GABRG2: variants seen among roughly 807,000 people sequenced by gnomAD.
GABRG2 encodes the protein gamma-aminobutyric acid type A receptor subunit gamma2.
GABRG2 carries 16 observed loss-of-function variants against 56.4 expected under a neutral mutation model. That is an observed-to-expected ratio of 0.28 (90% CI 0.19 to 0.43). The LOEUF is 0.43. GABRG2 is among the 20% of genes least tolerant of loss of function. The pLI is 1.00. For synonymous variants in GABRG2, 208 were observed against 205.5 expected (o/e 1.01, Z -0.10); for missense variants, 327 against 582.7 (o/e 0.56, Z 4.52).
intron 6 of GABRG2, among the ~76,000 whole-genome samples, chr5:162,114,526 G>A (rs1298929887): frequency 6.6e-6 from 1 of 151,918 alleles, no homozygotes; most frequent in African/African-American, 2.4e-5. Flanking sequence ...CAACAAGAGC[G>A]AAATTCTGTC....
In GABRG2 at chr5:162,153,590, G is replaced by A. The variant is rs1581463881; in HGVS notation, c.*222G>A. On this transcript the variant is annotated 3_prime_UTR_variant, in exon 10 of 10. Transcript: ENST00000639213. Reference sequence around the variant, plus strand: ...GTTTGCTGTGTTTCAAACCTGCAAGGCAAAGTAAAATTAGAGCAAGAACAT... The same window carrying A: ...GTTTGCTGTGTTTCAAACCTGCAAGACAAAGTAAAATTAGAGCAAGAACAT... 55 of 608,420 alleles carry A rather than the reference G, an allele frequency of 9.0e-5. 2 individuals carry two copies. The South Asian group carries it at 1.0e-3, about 12-fold the overall frequency. 37.7% of individuals were successfully genotyped at this position (608,420 alleles called of 1,614,324 possible).
chr5:162,128,368 G>A (rs1763484691), intron 6 of GABRG2: 1 of 151,926 alleles, frequency 6.6e-6, no homozygotes, highest in African/African-American at 2.4e-5. Context: ...TCTCTCCCTG[G>A]AGGACAGTTG....
intron 6 of GABRG2, among the ~76,000 whole-genome samples, chr5:162,108,572 C>T (rs753636895): frequency 1.3e-5 from 2 of 152,098 alleles, no homozygotes; most frequent in African/African-American, 2.4e-5. Context: ...CAACTTGAAG[C>T]GATTTTTAAG....
At chr5:162,094,022 T>A in intron 2 of GABRG2, 43 bp downstream of exon 2, 1 of 1,585,318 alleles carries the variant, frequency 6.3e-7, no homozygotes, top group Non-Finnish European at 8.7e-7. Flanking sequence ...TAGGAGCACA[T>A]AAACATGTCT....
intron 6 of GABRG2, among the ~76,000 whole-genome samples, chr5:162,127,092 A>G (rs556479251): frequency 2.2e-4 from 33 of 152,090 alleles, no homozygotes; most frequent in African/African-American, 7.9e-4. Flanking sequence ...GAAAAGAAAG[A>G]TAATAAAAGT....
At chr5:162,130,129 T>C (rs1208532191) in intron 6 of GABRG2, among the ~76,000 whole-genome samples, 1 of 151,982 alleles carries the variant, frequency 6.6e-6, no homozygotes, top group Non-Finnish European at 1.5e-5. Context: ...ATATTGGCAA[T>C]GATTTTTAAC....
intron 1 of GABRG2, among the ~76,000 whole-genome samples, chr5:162,084,537 C>T (rs1306887691): frequency 6.6e-6 from 1 of 151,764 alleles, no homozygotes; most frequent in Non-Finnish European, 1.5e-5. Flanking sequence ...GTCTTGGTCT[C>T]ATAGAGACCA....
intron 6 of GABRG2, among the ~76,000 whole-genome samples, chr5:162,128,567 A>G (rs553605256): frequency 6.6e-5 from 10 of 152,090 alleles, no homozygotes; most frequent in African/African-American, 2.2e-4. Flanking sequence ...CAGCAGGCAG[A>G]TAATAAATAT....
At chr5:162,075,408 C>A (rs1305942476) in intron 1 of GABRG2, among the ~76,000 whole-genome samples, 1 of 152,094 alleles carries the variant, frequency 6.6e-6, no homozygotes, top group East Asian at 1.9e-4. Context: ...ACCTTGTACT[C>A]CTAAGTCCTC....
At chr5:162,076,577 T>C (rs2113153335) in intron 1 of GABRG2, among the ~76,000 whole-genome samples, 1 of 152,278 alleles carries the variant, frequency 6.6e-6, no homozygotes, top group Middle Eastern at 3.4e-3. Flanking sequence ...CTGAAGATAA[T>C]TTTGTCACTG....
At chr5:162,079,909 A>G (rs549336844) in intron 1 of GABRG2, among the ~76,000 whole-genome samples, 1 of 152,236 alleles carries the variant, frequency 6.6e-6, no homozygotes, top group Admixed American at 6.5e-5. Context: ...CCTCCTGAGT[A>G]GCTGAGATTA....
At chr5:162,138,573 A>G (rs1486217824) in intron 6 of GABRG2, among the ~76,000 whole-genome samples, 2 of 152,198 alleles carry the variant, frequency 1.3e-5, no homozygotes, top group Non-Finnish European at 2.9e-5. Flanking sequence ...GATTCAAAAT[A>G]TCTGTGGACT....
intron 9 of GABRG2, 48 bp downstream of exon 9, chr5:162,151,801 T>G: frequency 6.8e-7 from 1 of 1,477,650 alleles, no homozygotes; most frequent in Non-Finnish European, 9.5e-7. Context: ...CTGCTAAATT[T>G]AACTATTAAT....
chr5:162,073,671 A>G (rs1436097199), intron 1 of GABRG2, among the ~76,000 whole-genome samples: 1 of 152,012 alleles, frequency 6.6e-6, no homozygotes, highest in Non-Finnish European at 1.5e-5. Flanking sequence ...CAACTGGTTA[A>G]TTAATGTTAC....
At chr5:162,076,526 A>G (rs1286174069) in intron 1 of GABRG2, among the ~76,000 whole-genome samples, 2 of 152,216 alleles carry the variant, frequency 1.3e-5, no homozygotes, top group African/African-American at 4.8e-5. Context: ...AATAGCTTCT[A>G]TTTAAATGAG....
chr5:162,138,985 T>C (rs1764346260), intron 6 of GABRG2, among the ~76,000 whole-genome samples: 1 of 152,032 alleles, frequency 6.6e-6, no homozygotes, highest in African/African-American at 2.4e-5. Flanking sequence ...TTTAAAACTA[T>C]CGTATGGTTA....
chr5:162,073,662 A>T (rs1758855086), intron 1 of GABRG2, among the ~76,000 whole-genome samples: 1 of 151,974 alleles, frequency 6.6e-6, no homozygotes, highest in Admixed American at 6.6e-5. Flanking sequence ...TCATACTAGC[A>T]ACTGGTTAAT....
chr5:162,073,745 C>A (rs570918125), intron 1 of GABRG2, among the ~76,000 whole-genome samples: 1 of 151,952 alleles, frequency 6.6e-6, no homozygotes, highest in African/African-American at 2.4e-5. Flanking sequence ...GCTATAATTT[C>A]TAGAAAGTAA....
At chr5:162,127,093 T>A (rs1318112368) in intron 6 of GABRG2, among the ~76,000 whole-genome samples, 2 of 151,932 alleles carry the variant, frequency 1.3e-5, no homozygotes, top group Non-Finnish European at 1.5e-5. Flanking sequence ...AAAAGAAAGA[T>A]AATAAAAGTC....
Sources: gnomAD v4.1 joint callset for allele counts (sites outside exome capture counted in the v4.1 genomes callset) on GRCh38, gnomAD v4.1.1 for gene constraint, MANE v1.5 for transcripts, NCBI Gene and HGNC (gene_info 2026-07-23, HGNC 2026-07-21) for gene names.